CNTN5: variants seen among roughly 807,000 people sequenced by gnomAD.
CNTN5 encodes the protein contactin 5.
Under a neutral mutation model 129.1 loss-of-function variants are expected in CNTN5, and 77 were observed. That is an observed-to-expected ratio of 0.60 (90% CI 0.50 to 0.72). The LOEUF is 0.72. Ranked by LOEUF, CNTN5 falls within the 30% of genes least tolerant of loss-of-function variation. The pLI, the probability that CNTN5 is intolerant of heterozygous loss-of-function variation, is 0.00. For missense variants in CNTN5, 1,478 were observed against 1,328.8 expected, an observed-to-expected ratio of 1.11 and a Z score of -1.75; for synonymous variants, 509 against 465.6, an observed-to-expected ratio of 1.09 and a Z score of -1.20.
chr11:99,154,101 G>A (rs1239274258), intron 1 of CNTN5, among the ~76,000 whole-genome samples: 1 of 152,146 alleles, frequency 6.6e-6, no homozygotes. Flanking sequence ...CCAGGGTGCT[G>A]GCAGGATGAT....
At chr11:99,209,892 T>C (rs2135665228) in intron 1 of CNTN5, among the ~76,000 whole-genome samples, 1 of 152,290 alleles carries the variant, frequency 6.6e-6, no homozygotes, top group East Asian at 1.9e-4. Context: ...AGAATTTAAA[T>C]ATTTTACACG....
intron 6 of CNTN5, among the ~76,000 whole-genome samples, chr11:99,875,449 T>C (rs1185755064): frequency 6.6e-6 from 1 of 152,174 alleles, no homozygotes; most frequent in Non-Finnish European, 1.5e-5. Context: ...GCTTTTTTTC[T>C]ATATGCTCCT....
rs150112979 is a variant in CNTN5, at chr11:99,717,781, C to G, written c.56-101763C>G. Among the ~76,000 whole-genome samples, 26 of 152,180 alleles carry G rather than the reference C, an allele frequency of 1.7e-4. No individual in the cohort carries two copies. The East Asian group carries it at 4.6e-3, about 27-fold the overall frequency. On this transcript the variant is annotated intron_variant, in intron 3 of 24. Transcript: ENST00000524871. ...CATATAGAGGGAAAAAGTACCATAACTTACATGGCACATAAATACTTTAAA... is the reference window on the plus strand; with the variant it reads ...CATATAGAGGGAAAAAGTACCATAAGTTACATGGCACATAAATACTTTAAA...
At chr11:100,149,366 A>G (rs1327773269) in intron 13 of CNTN5, among the ~76,000 whole-genome samples, 1 of 152,194 alleles carries the variant, frequency 6.6e-6, no homozygotes, top group East Asian at 1.9e-4. Context: ...TTCAAATTGA[A>G]TCAATATCTG....
At chr11:99,917,553 A>C (rs1018273574) in intron 7 of CNTN5, among the ~76,000 whole-genome samples, 2 of 152,118 alleles carry the variant, frequency 1.3e-5, no homozygotes, top group African/African-American at 4.8e-5. Flanking sequence ...GAGAAAGAGA[A>C]TATAACAGGC....
chr11:100,300,470 A>G (rs1390869797), intron 20 of CNTN5, among the ~76,000 whole-genome samples: 1 of 151,540 alleles, frequency 6.6e-6, no homozygotes. Context: ...AGTGTGGTAA[A>G]TATAAACTAA....
intron 1 of CNTN5, among the ~76,000 whole-genome samples, chr11:99,158,482 A>T (rs149337269): frequency 2.0e-5 from 3 of 152,022 alleles, no homozygotes; most frequent in Non-Finnish European, 4.4e-5. Flanking sequence ...TGCCTTTGAG[A>T]TATCTGTTTT....
chr11:100,132,940 T>C (rs2138216120), intron 13 of CNTN5, among the ~76,000 whole-genome samples: 1 of 152,276 alleles, frequency 6.6e-6, no homozygotes, highest in African/African-American at 2.4e-5. Flanking sequence ...ACTCATATTT[T>C]CTATTTTTAG....
At chr11:99,343,843 C>T (rs1432322228) in intron 2 of CNTN5, among the ~76,000 whole-genome samples, 1 of 151,926 alleles carries the variant, frequency 6.6e-6, no homozygotes, top group Non-Finnish European at 1.5e-5. Flanking sequence ...GACAATGAAA[C>T]AGGGCAAGTA....
intron 1 of CNTN5, among the ~76,000 whole-genome samples, chr11:99,157,103 A>G (rs1401522810): frequency 6.6e-6 from 1 of 152,062 alleles, no homozygotes; most frequent in African/African-American, 2.4e-5. Flanking sequence ...GATGATAAGT[A>G]GCAATTGCTA....
intron 8 of CNTN5, among the ~76,000 whole-genome samples, chr11:99,965,943 G>T (rs1430021944): frequency 1.3e-5 from 2 of 152,116 alleles, no homozygotes; most frequent in East Asian, 3.9e-4. Flanking sequence ...TTAAACACTT[G>T]TTCTGAAAAT....
intron 8 of CNTN5, among the ~76,000 whole-genome samples, chr11:99,965,566 T>A (rs975947022): frequency 4.6e-5 from 7 of 152,068 alleles, no homozygotes; most frequent in African/African-American, 1.7e-4. Flanking sequence ...TGCTGAGGAG[T>A]GCTTTACTTC....
At chr11:99,993,967 T>C (rs557902965) in intron 8 of CNTN5, among the ~76,000 whole-genome samples, 1 of 152,162 alleles carries the variant, frequency 6.6e-6, no homozygotes, top group Non-Finnish European at 1.5e-5. Flanking sequence ...TGAAGCCTCT[T>C]ATTCAACTCT....
chr11:99,039,422 C>A (rs1201049564), intron 1 of CNTN5, among the ~76,000 whole-genome samples: 1 of 152,074 alleles, frequency 6.6e-6, no homozygotes, highest in East Asian at 1.9e-4. Flanking sequence ...GTAAAGGTTC[C>A]ACATTCTTAT....
chr11:99,100,208 A>G (rs1229744783), intron 1 of CNTN5, among the ~76,000 whole-genome samples: 1 of 152,098 alleles, frequency 6.6e-6, no homozygotes, highest in African/African-American at 2.4e-5. Flanking sequence ...CATGTGGTTT[A>G]AAATATTTTT....
chr11:99,510,399 C>A (rs571614063), intron 2 of CNTN5, among the ~76,000 whole-genome samples: 1 of 152,150 alleles, frequency 6.6e-6, no homozygotes, highest in Non-Finnish European at 1.5e-5. Flanking sequence ...TGAAACTGCA[C>A]GCATCTTTTG....
intron 1 of CNTN5, among the ~76,000 whole-genome samples, chr11:99,133,261 T>G (rs1859037033): frequency 6.6e-6 from 1 of 152,104 alleles, no homozygotes; most frequent in Admixed American, 6.6e-5. Flanking sequence ...TAACTCAACA[T>G]GGATTAAAGA....
intron 7 of CNTN5, among the ~76,000 whole-genome samples, chr11:99,925,254 G>A (rs920559112): frequency 6.6e-6 from 1 of 152,138 alleles, no homozygotes; most frequent in Non-Finnish European, 1.5e-5. Context: ...AGTTAAGTAG[G>A]AAGCGCCAAG....
chr11:100,242,689 C>A (rs1949766762), intron 16 of CNTN5, among the ~76,000 whole-genome samples: 1 of 152,172 alleles, frequency 6.6e-6, no homozygotes, highest in East Asian at 1.9e-4. Context: ...AAATTGCCTG[C>A]ATGATCCAGT....
Sources: allele counts gnomAD v4.1 joint callset (sites outside exome capture counted in the v4.1 genomes callset), GRCh38; gene constraint gnomAD v4.1.1; transcripts MANE v1.5; gene names NCBI Gene and HGNC (gene_info 2026-07-23, HGNC 2026-07-21).